Variants in ANKRD12 observed in about 807,000 individuals in gnomAD.
ANKRD12 encodes ankyrin repeat domain 12.
In ANKRD12, 85 loss-of-function variants were observed where a neutral mutation model predicts 183.4. The ratio of observed to expected loss-of-function variants is 0.46; its 90% CI spans 0.39 to 0.56. The LOEUF is 0.56. Ranked by LOEUF, ANKRD12 falls within the 20% of genes least tolerant of loss-of-function variation. The pLI is 0.00. For missense variants in ANKRD12, 2,405 were observed against 2,357.1 expected (o/e 1.02, Z -0.42); for synonymous variants, 914 against 800.2 (o/e 1.14, Z -2.40).
chr18:9,231,094 T>C (rs1598629395), intron 8 of ANKRD12, among the ~76,000 whole-genome samples: 2 of 152,226 alleles, frequency 1.3e-5, no homozygotes, highest in Non-Finnish European at 2.9e-5. Flanking sequence ...CCTTTTGGTA[T>C]TGATTTCTAG....
At chr18:9,238,248 G>T (rs2144959962) in intron 8 of ANKRD12, among the ~76,000 whole-genome samples, 1 of 152,182 alleles carries the variant, frequency 6.6e-6, no homozygotes, top group East Asian at 1.9e-4. Flanking sequence ...CCCTGTGTTG[G>T]TTTTCTCAAG....
At chr18:9,233,168 T>C (rs922260764) in intron 8 of ANKRD12, among the ~76,000 whole-genome samples, 9 of 151,894 alleles carry the variant, frequency 5.9e-5, no homozygotes, top group Non-Finnish European at 1.2e-4. Context: ...GATTTTCAAG[T>C]TCTGAGATTG....
At chr18:9,172,225 T>C (rs1015619740) in intron 1 of ANKRD12, among the ~76,000 whole-genome samples, 1 of 152,142 alleles carries the variant, frequency 6.6e-6, no homozygotes, top group Non-Finnish European at 1.5e-5. Flanking sequence ...ATTGATCATC[T>C]TACTGGGGTT....
In ANKRD12 at chr18:9,258,960, C is replaced by T. The variant is rs757366565; in HGVS notation, c.5664+29C>T. On this transcript the variant is annotated intron_variant, in intron 9 of 12. Transcript: ENST00000262126. ...AGTAACATCATCACTTGCTATACACCTGTAACACTGCCCAATAGAAGTATA... is the reference window on the plus strand; with the variant it reads ...AGTAACATCATCACTTGCTATACACTTGTAACACTGCCCAATAGAAGTATA... 2.6e-6 allele frequency: 4 copies of T among 1,556,750 alleles called. No homozygotes were observed. In the South Asian group the frequency reaches 3.7e-5, roughly 14 times the overall value.
rs116650275 is a variant in ANKRD12 at position 9,189,628 on chromosome 18, C to G, written c.88-5923C>G. 1.4e-3 allele frequency among the ~76,000 whole-genome samples: 208 copies of G among 152,258 alleles called. 1 individual carries two copies. Among genetic ancestry groups the G allele is most frequent in the African/African-American group, 4.9e-3 (202 of 41,556 alleles). ...TTAAGTTAAAGCCAGTGCTCTTTTT[C>G]CATTGCAAAAACGCCAAGACCCATA... On this transcript the variant is annotated intron_variant, in intron 2 of 12. Coordinates refer to ENST00000262126, the MANE Select transcript of ANKRD12 (RefSeq NM_015208.5).
intron 7 of ANKRD12, among the ~76,000 whole-genome samples, chr18:9,217,913 AT>A (rs2144708897): frequency 6.6e-6 from 1 of 152,292 alleles, no homozygotes. Context: ...AGGTAGATGA[AT>A]GGATAACTGA....
At position 9,208,806 on chromosome 18, in the gene ANKRD12, GATACCTACC is replaced by G; in HGVS notation, c.451+6_451+14del. ...GACAGCAAGAGACAACAGTCCAGGTGATACCTACCATCATTGAGTTAATGTGTATCCCTA... is the reference window on the plus strand; with the variant it reads ...GACAGCAAGAGACAACAGTCCAGGTGATCATTGAGTTAATGTGTATCCCTA... On this transcript the variant is annotated splice_donor_5th_base_variant and intron_variant, in intron 5 of 12. Coordinates refer to ENST00000262126, the MANE Select transcript of ANKRD12 (RefSeq NM_015208.5). 6.4e-7 allele frequency: 1 copy of G among 1,565,130 alleles called. No individual in the cohort carries two copies. The highest frequency in any genetic ancestry group is 8.7e-7 in the Non-Finnish European group (1 of 1,155,842).
intron 1 of ANKRD12, among the ~76,000 whole-genome samples, chr18:9,173,227 G>C (rs1014625504): frequency 3.3e-5 from 5 of 152,080 alleles, no homozygotes; most frequent in African/African-American, 1.2e-4. Flanking sequence ...CTGCCACCAT[G>C]CCTGGCTAAT....
intron 1 of ANKRD12, chr18:9,137,612 G>C (rs1568205327): frequency 6.6e-6 from 1 of 151,918 alleles, no homozygotes; most frequent in East Asian, 1.9e-4. Context: ...TGGGAGAGGT[G>C]GATGAAATCA....
intron 10 of ANKRD12, among the ~76,000 whole-genome samples, chr18:9,270,996 G>A (rs1186393684): frequency 6.6e-6 from 1 of 152,078 alleles, no homozygotes; most frequent in Non-Finnish European, 1.5e-5. Flanking sequence ...AAGTATCTCC[G>A]GCCAGCTGTG....
intron 1 of ANKRD12, among the ~76,000 whole-genome samples, chr18:9,161,746 G>GTGTGTGTGTA (rs1312339164): frequency 1.3e-5 from 2 of 149,048 alleles, no homozygotes; most frequent in Non-Finnish European, 3.0e-5. Flanking sequence ...TGATGTGTGT[G>GTGTGTGTGTA]TGTGTGTATA....
At chr18:9,166,933 A>G (rs1302943665) in intron 1 of ANKRD12, among the ~76,000 whole-genome samples, 4 of 152,180 alleles carry the variant, frequency 2.6e-5, no homozygotes, top group Non-Finnish European at 5.9e-5. Context: ...CTTCCTACAT[A>G]TGGCTAGCCA....
intron 1 of ANKRD12, among the ~76,000 whole-genome samples, chr18:9,168,199 G>T (rs1172908298): frequency 6.6e-6 from 1 of 152,092 alleles, no homozygotes; most frequent in East Asian, 1.9e-4. Context: ...TTGTGTCTCT[G>T]CCAGGCTTTG....
intron 1 of ANKRD12, among the ~76,000 whole-genome samples, chr18:9,142,203 T>G (rs1038914279): frequency 6.6e-6 from 1 of 152,210 alleles, no homozygotes; most frequent in African/African-American, 2.4e-5. Context: ...TGGCTCTCTT[T>G]TCTGCCTAGA....
intron 1 of ANKRD12, among the ~76,000 whole-genome samples, chr18:9,164,245 T>C (rs2031787280): frequency 6.6e-6 from 1 of 152,224 alleles, no homozygotes; most frequent in African/African-American, 2.4e-5. Context: ...TGTTGAATTT[T>C]CTGAAGGCCT....
chr18:9,234,299 A>G (rs2144907055), intron 8 of ANKRD12, among the ~76,000 whole-genome samples: 1 of 152,212 alleles, frequency 6.6e-6, no homozygotes, highest in East Asian at 1.9e-4. Context: ...ATCCCACTCT[A>G]CATGTGAGCC....
chr18:9,145,529 A>G (rs2078464942), intron 1 of ANKRD12, among the ~76,000 whole-genome samples: 1 of 152,230 alleles, frequency 6.6e-6, no homozygotes, highest in Non-Finnish European at 1.5e-5. Flanking sequence ...TGTGGAAAGG[A>G]ACATGGTAAG....
At chr18:9,183,554 T>G (rs1317751589) in intron 2 of ANKRD12, among the ~76,000 whole-genome samples, 1 of 152,208 alleles carries the variant, frequency 6.6e-6, no homozygotes, top group Non-Finnish European at 1.5e-5. Context: ...ATATAATTGA[T>G]TTTTGATGTA....
chr18:9,195,034 G>A lies in ANKRD12; in HGVS notation c.88-517G>A, dbSNP rs556670833. The stretch of plus-strand genomic sequence containing the variant: ...AGAATGAGATCATGTTTTTTGCACA[G>A]CAACATGGATGGAGCTGGAGGCCAT... On this transcript the variant is annotated intron_variant, in intron 2 of 12. Coordinates refer to ENST00000262126, the MANE Select transcript of ANKRD12 (RefSeq NM_015208.5). 3.9e-5 allele frequency among the ~76,000 whole-genome samples: 6 copies of A among 152,280 alleles called. No individual in the cohort carries two copies. The South Asian group carries it at 1.2e-3, about 32-fold the overall frequency.
Sources: gnomAD v4.1 joint callset for allele counts (sites outside exome capture counted in the v4.1 genomes callset) on GRCh38, gnomAD v4.1.1 for gene constraint, MANE v1.5 for transcripts, NCBI Gene and HGNC (gene_info 2026-07-23, HGNC 2026-07-21) for gene names.